DAB1: variants seen among roughly 807,000 people sequenced by gnomAD.
DAB1 encodes the protein DAB adaptor protein 1.
In DAB1, 15 loss-of-function variants were observed where a neutral mutation model predicts 64.6. That is an observed-to-expected ratio of 0.23 (90% CI 0.16 to 0.36). The LOEUF (loss-of-function observed/expected upper bound fraction) is 0.36. Among genes scored for constraint, DAB1 ranks in the 10% least tolerant of loss-of-function variants. The probability of loss-of-function intolerance (pLI) is 1.00; values close to 1 mark genes in which losing one functional copy is unlikely to be tolerated. For synonymous variants in DAB1, 235 were observed against 251.9 expected (o/e 0.93, Z 0.64); for missense variants, 596 against 706.7 (o/e 0.84, Z 1.78).
intron 3 of DAB1, among the ~76,000 whole-genome samples, chr1:58,488,488 G>A (rs1428130830): frequency 6.6e-6 from 1 of 152,064 alleles, no homozygotes; most frequent in Non-Finnish European, 1.5e-5. Flanking sequence ...TTTCACTCTT[G>A]TAGCTCACAC....
intron 3 of DAB1, among the ~76,000 whole-genome samples, chr1:58,413,034 G>A (rs1360379475): frequency 6.6e-6 from 1 of 152,222 alleles, no homozygotes; most frequent in East Asian, 1.9e-4. Context: ...ATCTCTGAGA[G>A]TAATGATCTA....
At chr1:57,561,284 T>A (rs1412605778) in intron 7 of DAB1, among the ~76,000 whole-genome samples, 1 of 152,148 alleles carries the variant, frequency 6.6e-6, no homozygotes, top group African/African-American at 2.4e-5. Context: ...CTACAGCCCC[T>A]TTCTAGGACA....
chr1:57,214,970 C>T (rs1486858333), intron 2 of DAB1, among the ~76,000 whole-genome samples: 1 of 140,448 alleles, frequency 7.1e-6, no homozygotes, highest in Admixed American at 7.0e-5. Context: ...AAACAAAACA[C>T]ATGGTGAAAA....
chr1:57,530,216 A>C (rs1054262906), intron 7 of DAB1, among the ~76,000 whole-genome samples: 3 of 152,232 alleles, frequency 2.0e-5, no homozygotes, highest in African/African-American at 7.2e-5. Context: ...ACTTTCAAAG[A>C]ATCTCATTGC....
At chr1:58,432,986 TC>T (rs1166856358) in intron 3 of DAB1, among the ~76,000 whole-genome samples, 1 of 152,208 alleles carries the variant, frequency 6.6e-6, no homozygotes, top group East Asian at 1.9e-4. Context: ...TCCCAGGCAT[TC>T]CTCTTTGCAA....
chr1:57,532,803 C>T (rs1054980399), intron 7 of DAB1, among the ~76,000 whole-genome samples: 1 of 152,152 alleles, frequency 6.6e-6, no homozygotes, highest in African/African-American at 2.4e-5. Flanking sequence ...TAAGACAGCA[C>T]AGGTAAAAGT....
rs778893719 is a variant in DAB1, at chr1:57,145,391, T to C, written c.106A>G (p.Lys36Glu). 6.2e-7 allele frequency: 1 copy of C among 1,614,098 alleles called. No homozygotes were observed. Among genetic ancestry groups the C allele is most frequent in the South Asian group, 1.1e-5 (1 of 91,078 alleles). ...RSEATLIKRF[K>E]GEGVRYKAKL... is the part of the protein sequence containing the mutation. ...GCTTTGTACCGGACCCCTTCACCTT[T>C]AAACCTCTTTATCAAAGTGGCTTCA... Residue 36 changes from lysine (K) to glutamate (E), a missense_variant, in exon 3 of 15, where the codon AAA becomes GAA. Coordinates refer to ENST00000371236, the MANE Select transcript of DAB1 (RefSeq NM_001365792.1).
chr1:57,893,670 G>C (rs749786899), intron 5 of DAB1, among the ~76,000 whole-genome samples: 1 of 152,162 alleles, frequency 6.6e-6, no homozygotes, highest in Non-Finnish European at 1.5e-5. Flanking sequence ...GGGTGTTGTA[G>C]CAAGTAGCTA....
At chr1:58,387,710 T>C (rs1644444154) in intron 3 of DAB1, among the ~76,000 whole-genome samples, 1 of 133,428 alleles carries the variant, frequency 7.5e-6, no homozygotes, top group Admixed American at 7.5e-5. Context: ...GCATCTTTTT[T>C]TCTTTTCTTT....
intron 4 of DAB1, among the ~76,000 whole-genome samples, chr1:58,260,533 A>G (rs1441744826): frequency 6.6e-6 from 1 of 152,194 alleles, no homozygotes; most frequent in Non-Finnish European, 1.5e-5. Flanking sequence ...TCATTAGCCT[A>G]AAGTAATGCG....
intron 5 of DAB1, chr1:58,048,014 G>C: frequency 1.6e-6 from 1 of 627,362 alleles, no homozygotes; most frequent in Non-Finnish European, 2.9e-6. Context: ...TAGTCCTCAA[G>C]TTTTTTGCCC....
At chr1:57,867,993 T>A (rs1654378752) in intron 1 of DAB1, among the ~76,000 whole-genome samples, 1 of 152,112 alleles carries the variant, frequency 6.6e-6, no homozygotes, top group South Asian at 2.1e-4. Context: ...TCCACCACAG[T>A]GATACTCGCT....
chr1:57,233,806 C>T (rs1569991994), intron 2 of DAB1, among the ~76,000 whole-genome samples: 1 of 151,878 alleles, frequency 6.6e-6, no homozygotes, highest in Non-Finnish European at 1.5e-5. Flanking sequence ...GTGAGTGGTA[C>T]GGCTTCCTCT....
In DAB1 at chr1:57,512,242, G is replaced by A. The variant is rs546728948; in HGVS notation, n.625+137350C>T. Among the ~76,000 whole-genome samples the A allele has an allele frequency of 8.5e-5, 13 of 152,222 alleles. No individual in the cohort carries two copies. In the South Asian group the frequency reaches 2.7e-3, roughly 32 times the overall value. ...TATGTCTGTCTCACCCAACTTTCTTGAGAGCAGAGAGTTTTATACAGCTCT... is the reference window on the plus strand; with the variant it reads ...TATGTCTGTCTCACCCAACTTTCTTAAGAGCAGAGAGTTTTATACAGCTCT... On this transcript the variant is annotated intron_variant and non_coding_transcript_variant, in intron 7 of 20. Coordinates refer to the DAB1 transcript ENST00000485760.
At chr1:58,013,449 T>A (rs1646696839) in intron 5 of DAB1, among the ~76,000 whole-genome samples, 1 of 151,840 alleles carries the variant, frequency 6.6e-6, no homozygotes, top group African/African-American at 2.4e-5. Context: ...AGGGGGCGCC[T>A]GAGCCACATG....
At chr1:58,044,732 C>T (rs988745115) in intron 5 of DAB1, among the ~76,000 whole-genome samples, 4 of 152,048 alleles carry the variant, frequency 2.6e-5, no homozygotes, top group South Asian at 2.1e-4. Context: ...CAATATCTGT[C>T]GATTAGGGAT....
chr1:57,459,398 TGCACTCA>T (rs1464215339), intron 7 of DAB1, among the ~76,000 whole-genome samples: 2 of 152,184 alleles, frequency 1.3e-5, no homozygotes, highest in African/African-American at 2.4e-5. Context: ...GCCACACCTT[TGCACTCA>T]GCTCTGTTCT....
chr1:57,264,488 G>T (rs1399142368), intron 2 of DAB1, among the ~76,000 whole-genome samples: 1 of 152,162 alleles, frequency 6.6e-6, no homozygotes, highest in Non-Finnish European at 1.5e-5. Context: ...GACAAATTCC[G>T]CATTGGTACA....
At chr1:57,190,662 C>T (rs1411391052) in intron 2 of DAB1, among the ~76,000 whole-genome samples, 2 of 152,074 alleles carry the variant, frequency 1.3e-5, no homozygotes, top group Non-Finnish European at 2.9e-5. Flanking sequence ...GTCTTTATTG[C>T]CCACATCAAA....
Sources: gnomAD v4.1 joint callset for allele counts (sites outside exome capture counted in the v4.1 genomes callset) on GRCh38, gnomAD v4.1.1 for gene constraint, MANE v1.5 for transcripts, NCBI Gene and HGNC (gene_info 2026-07-23, HGNC 2026-07-21) for gene names.